The following ZBTB20 variants were observed in gnomAD, a reference collection of about 807,000 sequenced individuals.
The protein encoded by ZBTB20 is zinc finger and BTB domain containing 20.
ZBTB20 carries 9 observed loss-of-function variants against 56.9 expected under a neutral mutation model. The ratio of observed to expected loss-of-function variants is 0.16; its 90% CI spans 0.10 to 0.28. The LOEUF is 0.28. ZBTB20 is among the 10% of genes least tolerant of loss of function. The pLI is 1.00. For missense variants in ZBTB20, 655 were observed against 1,003.0 expected, an observed-to-expected ratio of 0.65 and a Z score of 4.69; for synonymous variants, 417 against 420.7, an observed-to-expected ratio of 0.99 and a Z score of 0.11.
At chr3:114,524,343 T>C (rs2046977157) in intron 6 of ZBTB20, among the ~76,000 whole-genome samples, 1 of 152,120 alleles carries the variant, frequency 6.6e-6, no homozygotes. Flanking sequence ...TGGGAATGAG[T>C]AGCTATGGCA....
intron 3 of ZBTB20, among the ~76,000 whole-genome samples, chr3:114,973,163 G>C (rs556015105): frequency 7.9e-5 from 12 of 151,442 alleles, no homozygotes; most frequent in African/African-American, 2.9e-4. Flanking sequence ...GAAATATGAG[G>C]TTTAAGAGTA....
intron 3 of ZBTB20, among the ~76,000 whole-genome samples, chr3:114,954,210 T>A (rs1576413830): frequency 6.6e-6 from 1 of 152,284 alleles, no homozygotes; most frequent in East Asian, 1.9e-4. Context: ...TATTTGTTTT[T>A]AAACCCCATT....
At chr3:114,361,685 G>A (rs1248748143) in intron 10 of ZBTB20, among the ~76,000 whole-genome samples, 1 of 152,168 alleles carries the variant, frequency 6.6e-6, no homozygotes, top group African/African-American at 2.4e-5. Context: ...GCTGATTGAT[G>A]CTTTGGAGTT....
At chr3:114,685,787 A>G (rs1275098767) in intron 6 of ZBTB20, among the ~76,000 whole-genome samples, 1 of 152,196 alleles carries the variant, frequency 6.6e-6, no homozygotes, top group Non-Finnish European at 1.5e-5. Context: ...AATGCTTTTC[A>G]TACCGTATGC....
chr3:114,762,909 C>T (rs2068537913), intron 5 of ZBTB20, among the ~76,000 whole-genome samples: 1 of 152,118 alleles, frequency 6.6e-6, no homozygotes, highest in African/African-American at 2.4e-5. Context: ...ATAGGAAAAC[C>T]TTGTCTTCTA....
chr3:114,869,479 G>T (rs1045412532), intron 4 of ZBTB20, among the ~76,000 whole-genome samples: 6 of 152,028 alleles, frequency 3.9e-5, no homozygotes, highest in Non-Finnish European at 5.9e-5. Context: ...GGTTTAAAAT[G>T]TTTGATTACT....
In ZBTB20 at chr3:114,762,460, A is replaced by G. The variant is rs189038899; in HGVS notation, c.-343+38641T>C. ...ACTATGGCACAAATATCCATGAAAC[A>G]GAACATTTATTTTTGGTGATAAAGC... is the stretch of plus-strand genomic sequence containing the variant. On this transcript the variant is annotated intron_variant, in intron 5 of 11. Transcript: ENST00000675478. 1.9e-3 allele frequency among the ~76,000 whole-genome samples: 282 copies of G among 152,314 alleles called. 1 individual carries two copies. Among genetic ancestry groups the G allele is most frequent in the South Asian group, 7.9e-3 (38 of 4,822 alleles).
intron 4 of ZBTB20, among the ~76,000 whole-genome samples, chr3:114,844,540 A>AAC (rs2074579542): frequency 1.4e-5 from 2 of 142,114 alleles, no homozygotes; most frequent in African/African-American, 2.6e-5. Flanking sequence ...AAAAAAAAAA[A>AAC]AAAAAAAAAA....
chr3:114,727,882 A>G (rs1344004821), intron 5 of ZBTB20, among the ~76,000 whole-genome samples: 1 of 152,190 alleles, frequency 6.6e-6, no homozygotes. Context: ...AACAGAAATA[A>G]TGATAGTAAG....
chr3:114,611,874 T>C (rs2057583154), intron 6 of ZBTB20, among the ~76,000 whole-genome samples: 1 of 152,190 alleles, frequency 6.6e-6, no homozygotes, highest in African/African-American at 2.4e-5. Context: ...TCTCTGTAAG[T>C]GTTTCAGTTA....
chr3:114,725,091 A>C (rs2065173850), intron 5 of ZBTB20, among the ~76,000 whole-genome samples: 2 of 152,162 alleles, frequency 1.3e-5, no homozygotes, highest in South Asian at 4.1e-4. Flanking sequence ...AAGGAATATA[A>C]ATTAGCCAAG....
rs993634933 is a variant in ZBTB20 at position 115,143,298 on chromosome 3, C to A, written c.-703+3921G>T. Among the ~76,000 whole-genome samples, 57 of 152,118 alleles carry A rather than the reference C, an allele frequency of 3.7e-4. 1 individual carries two copies. Among genetic ancestry groups the A allele is most frequent in the African/African-American group, 1.4e-3 (57 of 41,420 alleles). On this transcript the variant is annotated intron_variant, in intron 1 of 11. Coordinates refer to ENST00000675478, the MANE Select transcript of ZBTB20 (RefSeq NM_001348800.3). Reference sequence around the variant, plus strand: ...TGAAAAAATGGTTTAAATAACAAAGCATTTTTTGCAGGTCTCTCCTCTTTA... The same window carrying A: ...TGAAAAAATGGTTTAAATAACAAAGAATTTTTTGCAGGTCTCTCCTCTTTA...
At chr3:115,012,597 T>C (rs533456399) in intron 2 of ZBTB20, among the ~76,000 whole-genome samples, 1 of 151,902 alleles carries the variant, frequency 6.6e-6, no homozygotes. Context: ...AAGATAGAGA[T>C]AGACCCCAAT....
intron 3 of ZBTB20, among the ~76,000 whole-genome samples, chr3:114,905,698 T>C (rs2075293178): frequency 6.6e-6 from 1 of 151,926 alleles, no homozygotes; most frequent in Non-Finnish European, 1.5e-5. Flanking sequence ...TTCCAATCTA[T>C]TTTCTTGTGC....
chr3:114,340,850 T>C (rs943623382), intron 11 of ZBTB20, among the ~76,000 whole-genome samples: 2 of 152,212 alleles, frequency 1.3e-5, no homozygotes, highest in Non-Finnish European at 2.9e-5. Flanking sequence ...TTGAGCTAAC[T>C]TCCACTTAAA....
chr3:114,718,995 C>T (rs945788994), intron 5 of ZBTB20, among the ~76,000 whole-genome samples: 5 of 151,742 alleles, frequency 3.3e-5, no homozygotes, highest in African/African-American at 7.3e-5. Flanking sequence ...CCCTGATTAT[C>T]AACTAACAAT....
chr3:114,844,330 AATATATATATATATATAT>A (rs71146341), intron 4 of ZBTB20, among the ~76,000 whole-genome samples: 4,355 of 99,184 alleles, frequency 0.044, 252 homozygotes, highest in African/African-American at 0.13. Flanking sequence ...TACTGGAGTA[AATATATATATATATATAT>A]ATATATATAT....
chr3:114,518,139 G>A (rs919930627), intron 6 of ZBTB20, among the ~76,000 whole-genome samples: 1 of 152,162 alleles, frequency 6.6e-6, no homozygotes, highest in African/African-American at 2.4e-5. Flanking sequence ...CCCGGACACT[G>A]CTTTAGGGCT....
At chr3:114,564,287 C>G (rs2052454757) in intron 6 of ZBTB20, among the ~76,000 whole-genome samples, 1 of 152,010 alleles carries the variant, frequency 6.6e-6, no homozygotes, top group Non-Finnish European at 1.5e-5. Context: ...TCTGTAAAGT[C>G]TCTTTGCCAT....
Sources: allele counts gnomAD v4.1 joint callset (sites outside exome capture counted in the v4.1 genomes callset), GRCh38; gene constraint gnomAD v4.1.1; transcripts MANE v1.5; gene names NCBI Gene and HGNC (gene_info 2026-07-23, HGNC 2026-07-21).